Variants in ERBB4 observed in about 807,000 individuals in gnomAD.
ERBB4 encodes the protein erb-b2 receptor tyrosine kinase 4, also known as receptor tyrosine-protein kinase erbB-4.
A neutral mutation model predicts 158.0 loss-of-function variants in ERBB4; 42 were observed. That is an observed-to-expected ratio of 0.27 (90% CI 0.21 to 0.34). ERBB4 has a LOEUF of 0.34. ERBB4 is among the 10% of genes least tolerant of loss of function. The probability of loss-of-function intolerance (pLI) is 1.00; values close to 1 mark genes in which losing one functional copy is unlikely to be tolerated. For missense variants in ERBB4, 1,333 were observed against 1,624.1 expected (o/e 0.82, Z 3.08); for synonymous variants, 583 against 558.7 (o/e 1.04, Z -0.61).
Position 212,295,971 on chromosome 2 carries a change from G to A in ERBB4, c.83-171068C>T, listed in dbSNP as rs142281095. Among the ~76,000 whole-genome samples the A allele has an allele frequency of 8.5e-3, 1,288 of 151,982 alleles. 15 individuals carry two copies. Among genetic ancestry groups the A allele is most frequent in the African/African-American group, 0.028 (1,152 of 41,468 alleles). ...TGCAGTTAACTCTTAATGTTTTGTT[G>A]TTTTATTTTTGTTTTTAATTTGTTT... On this transcript the variant is annotated intron_variant, in intron 1 of 27. Transcript: ENST00000342788.
rs758894552 is a variant in ERBB4 at position 211,428,412 on chromosome 2, G to A, written c.2715C>T (p.Ser905=). ...RKFTHQSDVW[S]YGVTIWELMT... ...TCGCAAAGAAGATTTATTTACCATAGCTCCAAACGTCACTCTGATGGGTGA... is the reference window on the plus strand; with the variant it reads ...TCGCAAAGAAGATTTATTTACCATAACTCCAAACGTCACTCTGATGGGTGA... The change falls in exon 22 of 28, where the codon AGC becomes AGT. Residue 905 remains serine (S), a synonymous_variant. Transcript: ENST00000342788. The A allele has an allele frequency of 2.4e-5, 37 of 1,563,422 alleles. No individual in the cohort carries two copies. In the East Asian group the frequency reaches 8.1e-4, roughly 34 times the overall value.
chr2:212,137,579 G>T (rs1290421681), intron 1 of ERBB4, among the ~76,000 whole-genome samples: 1 of 152,054 alleles, frequency 6.6e-6, no homozygotes. Flanking sequence ...TATTATTAAT[G>T]GGCATTTAGG....
Position 211,686,259 on chromosome 2 carries a change from GA to G in ERBB4, c.1490-7076del, listed in dbSNP as rs1170469199. On this transcript the variant is annotated intron_variant, in intron 12 of 27. Coordinates refer to ENST00000342788, the MANE Select transcript of ERBB4 (RefSeq NM_005235.3). ...TAGGATTTTTGTAGATGGTCTTCATGAAGGGGAGAAACTTACTCTGAATTTC... is the reference window on the plus strand; with the variant it reads ...TAGGATTTTTGTAGATGGTCTTCATGAGGGGAGAAACTTACTCTGAATTTC... 2.0e-5 allele frequency among the ~76,000 whole-genome samples: 3 copies of G among 152,124 alleles called. No homozygotes were observed. The East Asian group carries it at 5.8e-4, about 29-fold the overall frequency.
At chr2:211,526,846 G>A (rs941639696) in intron 20 of ERBB4, among the ~76,000 whole-genome samples, 1 of 151,928 alleles carries the variant, frequency 6.6e-6, no homozygotes, top group Non-Finnish European at 1.5e-5. Context: ...TAATCAAGCA[G>A]AAAAAAGAAT....
intron 7 of ERBB4, among the ~76,000 whole-genome samples, chr2:211,715,174 T>C (rs764152348): frequency 2.6e-5 from 4 of 152,178 alleles, no homozygotes; most frequent in Middle Eastern, 3.2e-3. Context: ...TATGAAGTAA[T>C]GAGCTTGTCC....
intron 1 of ERBB4, among the ~76,000 whole-genome samples, chr2:212,204,535 T>C (rs1046821714): frequency 2.6e-5 from 4 of 151,700 alleles, no homozygotes; most frequent in African/African-American, 7.3e-5. Flanking sequence ...CCATCTCTAC[T>C]AAAAACACAA....
chr2:211,960,961 A>C (rs2081165340), intron 2 of ERBB4, among the ~76,000 whole-genome samples: 2 of 152,068 alleles, frequency 1.3e-5, no homozygotes, highest in Admixed American at 1.3e-4. Context: ...GTACCATAAT[A>C]ATGTAAGGTG....
chr2:212,197,762 A>G (rs1205195413), intron 1 of ERBB4, among the ~76,000 whole-genome samples: 1 of 152,206 alleles, frequency 6.6e-6, no homozygotes, highest in Non-Finnish European at 1.5e-5. Flanking sequence ...ATAGCTAAGT[A>G]GCATTTTTGA....
chr2:212,333,021 T>C (rs1272930499), intron 1 of ERBB4, among the ~76,000 whole-genome samples: 1 of 152,078 alleles, frequency 6.6e-6, no homozygotes, highest in African/African-American at 2.4e-5. Flanking sequence ...CTAGCTTCTT[T>C]GGATAGAGAA....
intron 2 of ERBB4, among the ~76,000 whole-genome samples, chr2:212,005,654 T>C (rs1186654167): frequency 6.6e-6 from 1 of 152,186 alleles, no homozygotes; most frequent in Non-Finnish European, 1.5e-5. Flanking sequence ...CTATATGTAG[T>C]TCAGAAAAGC....
chr2:211,734,341 G>T (rs1327722675), intron 5 of ERBB4, among the ~76,000 whole-genome samples: 1 of 152,042 alleles, frequency 6.6e-6, no homozygotes, highest in African/African-American at 2.4e-5. Context: ...TGAGGGTGAA[G>T]AATTGGGCAA....
At chr2:211,491,350 C>T (rs963150082) in intron 20 of ERBB4, among the ~76,000 whole-genome samples, 5 of 152,044 alleles carry the variant, frequency 3.3e-5, no homozygotes, top group Admixed American at 3.3e-4. Context: ...GGATAGGTAT[C>T]AATATCTCCT....
At chr2:212,056,540 T>G (rs2077576192) in intron 2 of ERBB4, among the ~76,000 whole-genome samples, 1 of 152,200 alleles carries the variant, frequency 6.6e-6, no homozygotes, top group Non-Finnish European at 1.5e-5. Context: ...AAGGTCGGGT[T>G]ACCCATAAAG....
intron 1 of ERBB4, among the ~76,000 whole-genome samples, chr2:212,283,245 A>G (rs1031793391): frequency 6.6e-6 from 1 of 151,962 alleles, no homozygotes; most frequent in African/African-American, 2.4e-5. Context: ...GCTGGGTTTA[A>G]TTACTCAATA....
At chr2:211,749,542 CT>C (rs1189175917) in intron 5 of ERBB4, among the ~76,000 whole-genome samples, 1 of 152,104 alleles carries the variant, frequency 6.6e-6, no homozygotes, top group Admixed American at 6.6e-5. Context: ...ACCTTATAAT[CT>C]TTTCCATTTC....
At chr2:212,482,643 AGACTTGCTCTGTTGCCAG>A (rs1689761295) in intron 1 of ERBB4, among the ~76,000 whole-genome samples, 1 of 152,154 alleles carries the variant, frequency 6.6e-6, no homozygotes, top group Non-Finnish European at 1.5e-5. Context: ...TCTGAGACGA[AGACTTGCTCTGTTGCCAG>A]GCTGGAGTGC....
intron 4 of ERBB4, among the ~76,000 whole-genome samples, chr2:211,784,705 T>A (rs1477694181): frequency 6.6e-6 from 1 of 152,216 alleles, no homozygotes. Context: ...TCACACCATT[T>A]TACAATCCCA....
In ERBB4 at chr2:212,318,324, T is replaced by C. The variant is rs117165783; in HGVS notation, c.83-193421A>G. On this transcript the variant is annotated intron_variant, in intron 1 of 27. Coordinates refer to ENST00000342788, the MANE Select transcript of ERBB4 (RefSeq NM_005235.3). ...AAGTTATCTGATATAATTACTGTTG[T>C]AATCAGCATTTCTTTCATTTGCTTG... Among the ~76,000 whole-genome samples, 254 of 151,728 alleles carry C rather than the reference T, an allele frequency of 1.7e-3. 9 individuals carry two copies. In the East Asian group the frequency reaches 0.047, roughly 28 times the overall value.
At chr2:211,883,071 G>A (rs2078704577) in intron 3 of ERBB4, among the ~76,000 whole-genome samples, 1 of 152,114 alleles carries the variant, frequency 6.6e-6, no homozygotes, top group South Asian at 2.1e-4. Flanking sequence ...TGATAGACCA[G>A]ATTAAGAAAA....
Sources: allele counts gnomAD v4.1 joint callset (sites outside exome capture counted in the v4.1 genomes callset), GRCh38; gene constraint gnomAD v4.1.1; transcripts MANE v1.5; gene names NCBI Gene and HGNC (gene_info 2026-07-23, HGNC 2026-07-21).